Variants in RB1 observed in about 807,000 individuals in gnomAD.
RB1 encodes the protein RB transcriptional corepressor 1.
A neutral mutation model predicts 135.4 loss-of-function variants in RB1; 18 were observed. The ratio of observed to expected loss-of-function variants is 0.13; its 90% CI spans 0.09 to 0.20. The LOEUF (loss-of-function observed/expected upper bound fraction) is 0.20, where lower values mean the gene tolerates loss of function less well. Among genes scored for constraint, RB1 ranks in the 10% least tolerant of loss-of-function variants. The pLI is 1.00. For synonymous variants in RB1, 365 were observed against 373.2 expected (o/e 0.98, Z 0.25); for missense variants, 868 against 1,110.0 (o/e 0.78, Z 3.10).
At chr13:48,405,027 GC>G (rs568281550) in intron 17 of RB1, among the ~76,000 whole-genome samples, 88 of 152,140 alleles carry the variant, frequency 5.8e-4, no homozygotes, top group Non-Finnish European at 8.8e-4. Context: ...TCTTTTGACT[GC>G]CCTTTTGAAA....
At chr13:48,454,753 A>T (rs964355233) in intron 18 of RB1, among the ~76,000 whole-genome samples, 3 of 152,268 alleles carry the variant, frequency 2.0e-5, no homozygotes, top group African/African-American at 7.2e-5. Context: ...GGGCAAGCTG[A>T]TGCTAGCTAG....
intron 2 of RB1, among the ~76,000 whole-genome samples, chr13:48,313,166 C>G (rs952004747): frequency 6.6e-6 from 1 of 152,008 alleles, no homozygotes; most frequent in African/African-American, 2.4e-5. Flanking sequence ...TTCATGCGAT[C>G]TCCCCTTTTT....
At chr13:48,368,867 G>T (rs1286811737) in intron 11 of RB1, among the ~76,000 whole-genome samples, 1 of 152,122 alleles carries the variant, frequency 6.6e-6, no homozygotes, top group African/African-American at 2.4e-5. Flanking sequence ...TTAGCTGGGG[G>T]TGGTGGTGTG....
chr13:48,383,497 A>G (rs1399460502), intron 17 of RB1, among the ~76,000 whole-genome samples: 1 of 152,092 alleles, frequency 6.6e-6, no homozygotes, highest in African/African-American at 2.4e-5. Context: ...TTAAAAAATT[A>G]AGACTTTAGG....
At chr13:48,378,700 T>C in intron 13 of RB1, among the ~76,000 whole-genome samples, 1 of 152,146 alleles carries the variant, frequency 6.6e-6, no homozygotes, top group East Asian at 1.9e-4. Flanking sequence ...CATAATTGTA[T>C]GTACTATACT....
chr13:48,453,887 A>G (rs1417414898), intron 18 of RB1, among the ~76,000 whole-genome samples: 2 of 152,206 alleles, frequency 1.3e-5, no homozygotes, highest in Non-Finnish European at 1.5e-5. Flanking sequence ...CTGTGGAGGT[A>G]TTTAACCTTT....
At chr13:48,452,102 T>A (rs2138325899) in intron 17 of RB1, among the ~76,000 whole-genome samples, 1 of 152,256 alleles carries the variant, frequency 6.6e-6, no homozygotes, top group African/African-American at 2.4e-5. Flanking sequence ...TGTGTCTCTG[T>A]CTCCTTCAGT....
At chr13:48,313,028 C>T (rs529383109) in intron 2 of RB1, among the ~76,000 whole-genome samples, 1 of 152,288 alleles carries the variant, frequency 6.6e-6, no homozygotes, top group South Asian at 2.1e-4. Context: ...TCTTCATGGT[C>T]TGTGCTTTAA....
At chr13:48,361,618 G>T (rs1226138039) in intron 7 of RB1, among the ~76,000 whole-genome samples, 2 of 151,950 alleles carry the variant, frequency 1.3e-5, no homozygotes, top group African/African-American at 4.8e-5. Flanking sequence ...TAATATTACT[G>T]AATATCTAGA....
chr13:48,461,901 C>T (rs192900222), intron 20 of RB1, among the ~76,000 whole-genome samples: 5 of 152,284 alleles, frequency 3.3e-5, no homozygotes, highest in Admixed American at 6.5e-5. Flanking sequence ...GGCACGATCT[C>T]GGCTCACGGC....
At chr13:48,327,319 G>T (rs949212141) in intron 2 of RB1, among the ~76,000 whole-genome samples, 2 of 151,886 alleles carry the variant, frequency 1.3e-5, no homozygotes, top group African/African-American at 4.8e-5. Context: ...AAGTTCTGGT[G>T]GAAATGCTTA....
intron 16 of RB1, among the ~76,000 whole-genome samples, chr13:48,380,946 A>T (rs748990588): frequency 9.2e-5 from 14 of 152,198 alleles, no homozygotes; most frequent in Non-Finnish European, 2.1e-4. Context: ...GAATTAAAAT[A>T]GATATGCCAA....
At position 48,319,182 on chromosome 13, in the gene RB1, G is replaced by A. The variant is rs1952212956; in HGVS notation, c.264+11776G>A. ...GTCAGCGTCTAGGCACCCCGGGCAA[G>A]GGTCTGTGGCCTTGGTGGCCACTGG... On this transcript the variant is annotated intron_variant, in intron 2 of 26. Coordinates refer to ENST00000267163, the MANE Select transcript of RB1 (RefSeq NM_000321.3). The surrounding 1 kb of genome is among the most constrained non-coding windows in gnomAD (Gnocchi z 5.0). 1.6e-6 allele frequency: 1 copy of A among 629,276 alleles called. No individual in the cohort carries two copies. Among genetic ancestry groups the A allele is most frequent in the Non-Finnish European group, 2.7e-6 (1 of 371,268 alleles). The allele number at this position is 629,276 out of a possible 1,614,324, so 39.0% of individuals were successfully genotyped here.
intron 17 of RB1, among the ~76,000 whole-genome samples, chr13:48,451,271 T>G (rs184375840): frequency 6.6e-6 from 1 of 152,308 alleles, no homozygotes; most frequent in East Asian, 1.9e-4. Flanking sequence ...GCTGTGGATT[T>G]GTCATAGATG....
chr13:48,352,865 C>T (rs1016941778), intron 6 of RB1, among the ~76,000 whole-genome samples: 8 of 152,190 alleles, frequency 5.3e-5, no homozygotes, highest in African/African-American at 2.4e-5. Context: ...CACCTGATTC[C>T]TCTGATTAGG....
At chr13:48,332,107 T>G (rs2804095) in intron 2 of RB1, among the ~76,000 whole-genome samples, 1 of 152,114 alleles carries the variant, frequency 6.6e-6, no homozygotes, top group East Asian at 1.9e-4. Flanking sequence ...CCGAAGGACA[T>G]TATGTTGTAT....
chr13:48,443,899 G>A (rs567696525), intron 17 of RB1, among the ~76,000 whole-genome samples: 2 of 152,200 alleles, frequency 1.3e-5, no homozygotes, highest in Non-Finnish European at 2.9e-5. Context: ...ATAGTGATGT[G>A]TAGGAAAAAA....
intron 7 of RB1, among the ~76,000 whole-genome samples, chr13:48,361,965 CAG>C (rs1045601650): frequency 8.1e-6 from 1 of 123,938 alleles, no homozygotes; most frequent in African/African-American, 2.9e-5. Context: ...TTTTTTGAGG[CAG>C]AGTCTCACTC....
chr13:48,348,942 T>C lies in RB1; in HGVS notation c.540-14T>C, dbSNP rs140706037. 62 of 1,597,874 alleles carry C rather than the reference T, an allele frequency of 3.9e-5. No individual in the cohort carries two copies. In the African/African-American group the frequency reaches 4.2e-4, roughly 11 times the overall value. On this transcript the variant is annotated splice_polypyrimidine_tract_variant and intron_variant, in intron 5 of 26. Coordinates refer to ENST00000267163, the MANE Select transcript of RB1 (RefSeq NM_000321.3). ...TTTTTCCTGTTTTTTTTCTGCTTTCTATTTGTTTAATAGGATATCTACTGA... is the reference window on the plus strand; with the variant it reads ...TTTTTCCTGTTTTTTTTCTGCTTTCCATTTGTTTAATAGGATATCTACTGA...
Sources: allele counts gnomAD v4.1 joint callset (sites outside exome capture counted in the v4.1 genomes callset), GRCh38; gene constraint gnomAD v4.1.1; non-coding constraint Gnocchi (gnomAD v3.1); transcripts MANE v1.5; gene names NCBI Gene and HGNC (gene_info 2026-07-23, HGNC 2026-07-21).